Variants in FOXP1 observed in about 807,000 individuals in gnomAD.
The protein encoded by FOXP1 is forkhead box P1, also known as forkhead box protein P1.
A neutral mutation model predicts 98.2 loss-of-function variants in FOXP1; 15 were observed. The observed-to-expected ratio is 0.15, with a 90% CI of 0.10 to 0.24. The LOEUF (loss-of-function observed/expected upper bound fraction) is 0.24, where lower values mean the gene tolerates loss of function less well. Ranked by LOEUF, FOXP1 falls within the 10% of genes least tolerant of loss-of-function variation. The pLI, the probability that FOXP1 is intolerant of heterozygous loss-of-function variation, is 1.00. For missense variants in FOXP1, 633 were observed against 848.5 expected (o/e 0.75, Z 3.15); for synonymous variants, 371 against 314.5 (o/e 1.18, Z -1.90).
chr3:71,560,210 G>A (rs372897698), intron 2 of FOXP1, among the ~76,000 whole-genome samples: 8 of 152,050 alleles, frequency 5.3e-5, no homozygotes, highest in Non-Finnish European at 7.4e-5. Context: ...TAATGTTTTC[G>A]CATCATTATT....
rs543050472 is a variant in FOXP1 at position 71,301,956 on chromosome 3, T to G, written c.-72-2076A>C. Among the ~76,000 whole-genome samples the G allele has an allele frequency of 2.6e-5, 4 of 152,302 alleles. No individual in the cohort carries two copies. In the East Asian group the frequency reaches 7.7e-4, roughly 29 times the overall value. On this transcript the variant is annotated intron_variant, in intron 4 of 20. Coordinates refer to ENST00000649528, the MANE Select transcript of FOXP1 (RefSeq NM_001349338.3). ...AAGAATTACAACAAAATTATACAAC[T>G]GACCATCCAATTTATAAATACTAAA...
intron 5 of FOXP1, among the ~76,000 whole-genome samples, chr3:71,280,555 C>T (rs2071425668): frequency 6.6e-6 from 1 of 152,014 alleles, no homozygotes; most frequent in African/African-American, 2.4e-5. Context: ...AACTCCTGAC[C>T]TCAAGTGATC....
At chr3:71,515,876 AG>A (rs1488137060) in intron 2 of FOXP1, among the ~76,000 whole-genome samples, 1 of 152,242 alleles carries the variant, frequency 6.6e-6, no homozygotes, top group East Asian at 1.9e-4. Context: ...GGAAGGAACA[AG>A]GGTCAGAATA....
chr3:71,582,371 C>G, intron 1 of FOXP1: 1 of 976,858 alleles, frequency 1.0e-6, no homozygotes, highest in Non-Finnish European at 1.2e-6. Context: ...CCTCGGCTCC[C>G]GGCGCCGCCG....
intron 5 of FOXP1, among the ~76,000 whole-genome samples, chr3:71,221,705 C>G (rs1441246178): frequency 2.6e-5 from 4 of 152,316 alleles, no homozygotes; most frequent in African/African-American, 7.2e-5. Flanking sequence ...ACTCTTCTAT[C>G]CCTCTAGTTC....
chr3:71,030,602 C>T (rs1041090228), intron 11 of FOXP1, among the ~76,000 whole-genome samples: 1 of 152,232 alleles, frequency 6.6e-6, no homozygotes, highest in Non-Finnish European at 1.5e-5. Context: ...CCACACCTGG[C>T]CTGTGGTTTG....
chr3:71,097,282 T>C (rs1214841874), intron 7 of FOXP1, among the ~76,000 whole-genome samples: 1 of 152,216 alleles, frequency 6.6e-6, no homozygotes, highest in Non-Finnish European at 1.5e-5. Flanking sequence ...ATGTGAAATT[T>C]ATACTTCAGT....
chr3:71,456,439 T>C (rs2087511608), intron 3 of FOXP1, among the ~76,000 whole-genome samples: 1 of 152,180 alleles, frequency 6.6e-6, no homozygotes, highest in Non-Finnish European at 1.5e-5. Flanking sequence ...TCACAATGTA[T>C]GGAGCTGATA....
In FOXP1 at chr3:70,957,615, A is replaced by G. The variant is rs932243886; in HGVS notation, c.*1632T>C. On this transcript the variant is annotated 3_prime_UTR_variant, in exon 21 of 21. Transcript: ENST00000649528. ...AGTCCTATATAAATAAATGACAGGA[A>G]AGTGGGTGCAGAGCTGAAGTGTGGA... The G allele has an allele frequency of 1.8e-4, 43 of 232,848 alleles. No individual in the cohort carries two copies. Among genetic ancestry groups the G allele is most frequent in the Non-Finnish European group, 5.1e-5 (6 of 117,692 alleles). 14.4% of individuals were successfully genotyped at this position (232,848 alleles called of 1,614,324 possible). A position where few individuals can be genotyped will look rare whatever the true frequency, so the allele number is the denominator to read the frequency against.
chr3:71,361,398 A>G (rs1450331302), intron 3 of FOXP1, among the ~76,000 whole-genome samples: 1 of 152,198 alleles, frequency 6.6e-6, no homozygotes, highest in African/African-American at 2.4e-5. Flanking sequence ...CTCCTCAAGG[A>G]ACAGTCGGCA....
chr3:71,004,868 CT>C (rs1194185815), intron 12 of FOXP1, among the ~76,000 whole-genome samples: 1 of 151,922 alleles, frequency 6.6e-6, no homozygotes, highest in African/African-American at 2.4e-5. Context: ...CATTAGGGCT[CT>C]TTTTTATAAT....
intron 7 of FOXP1, among the ~76,000 whole-genome samples, chr3:71,062,631 C>T (rs1176754095): frequency 6.6e-6 from 1 of 152,172 alleles, no homozygotes; most frequent in African/African-American, 2.4e-5. Context: ...TGTTTAATAA[C>T]ACAACACAAA....
chr3:71,329,268 C>T (rs1038789100), intron 4 of FOXP1, among the ~76,000 whole-genome samples: 1 of 151,758 alleles, frequency 6.6e-6, no homozygotes, highest in African/African-American at 2.4e-5. Flanking sequence ...GTCGCACAGG[C>T]TGGAGTGCAG....
At chr3:71,471,381 G>A (rs987215514) in intron 3 of FOXP1, among the ~76,000 whole-genome samples, 4 of 151,964 alleles carry the variant, frequency 2.6e-5, no homozygotes, top group East Asian at 1.9e-4. Flanking sequence ...AGAACAGGGC[G>A]AAATAACTGA....
rs1263819476 is a variant in FOXP1 at position 71,047,180 on chromosome 3, A to G, written c.511-85T>C. ...GGACACTTCAAAACTCACCATCATC[A>G]TCAAATGCTGAGAATGGTCACTGGA... On this transcript the variant is annotated intron_variant, in intron 9 of 20. Coordinates refer to ENST00000649528, the MANE Select transcript of FOXP1 (RefSeq NM_001349338.3). The G allele has an allele frequency of 2.7e-6, 4 of 1,499,292 alleles. No individual in the cohort carries two copies. In the African/African-American group the frequency reaches 5.5e-5, roughly 21 times the overall value. 92.9% of individuals were successfully genotyped at this position (1,499,292 alleles called of 1,614,324 possible).
chr3:70,972,693 A>G lies in FOXP1; in HGVS notation c.1531-17T>C. On this transcript the variant is annotated splice_polypyrimidine_tract_variant and intron_variant, in intron 17 of 20. Coordinates refer to ENST00000649528, the MANE Select transcript of FOXP1 (RefSeq NM_001349338.3). ...CACTGCATTCTGCAGCAAGTATAAA[A>G]GAGAGAACATTTACATTTTCTATAA... 6.2e-7 allele frequency: 1 copy of G among 1,613,638 alleles called. No homozygotes were observed. The highest frequency in any genetic ancestry group is 8.5e-7 in the Non-Finnish European group (1 of 1,179,560).
At chr3:71,419,499 C>G (rs1260688510) in intron 3 of FOXP1, among the ~76,000 whole-genome samples, 1 of 151,896 alleles carries the variant, frequency 6.6e-6, no homozygotes, top group African/African-American at 2.4e-5. Flanking sequence ...CTGTGCTGGT[C>G]TGACTCAAGG....
intron 3 of FOXP1, among the ~76,000 whole-genome samples, chr3:71,430,048 C>T (rs962011715): frequency 6.6e-6 from 1 of 152,182 alleles, no homozygotes; most frequent in East Asian, 1.9e-4. Context: ...CAAGCTCACA[C>T]AGGAAGTGAT....
chr3:71,172,082 A>T (rs2061681055), intron 6 of FOXP1, among the ~76,000 whole-genome samples: 1 of 152,202 alleles, frequency 6.6e-6, no homozygotes, highest in African/African-American at 2.4e-5. Context: ...CTTCCTGCCA[A>T]ATCTCATGTA....
Sources: allele counts gnomAD v4.1 joint callset (sites outside exome capture counted in the v4.1 genomes callset), GRCh38; gene constraint gnomAD v4.1.1; transcripts MANE v1.5; gene names NCBI Gene and HGNC (gene_info 2026-07-23, HGNC 2026-07-21).